The following EPS15 variants were observed in gnomAD, a reference collection of about 807,000 sequenced individuals.
The protein encoded by EPS15 is epidermal growth factor receptor pathway substrate 15.
Under a neutral mutation model 113.8 loss-of-function variants are expected in EPS15, and 72 were observed. That is an observed-to-expected ratio of 0.63 (90% confidence interval 0.52 to 0.77). EPS15 has a LOEUF of 0.77. Ranked by LOEUF, EPS15 falls within the 30% of genes least tolerant of loss-of-function variation. EPS15 has a pLI of 0.00. For missense variants in EPS15, 1,048 were observed against 1,045.8 expected, an observed-to-expected ratio of 1.00 and a Z score of -0.03; for synonymous variants, 344 against 363.4, an observed-to-expected ratio of 0.95 and a Z score of 0.61.
At position 51,421,795 on chromosome 1, in the gene EPS15, A is replaced by C; in HGVS notation, c.1104T>G (p.Ser368Arg). ...TTTTATGGTCACTTACCTGAACCTCACTTGTCCTCTGTTTAATAGTATCTT... is the reference window on the plus strand; with the variant it reads ...TTTTATGGTCACTTACCTGAACCTCCCTTGTCCTCTGTTTAATAGTATCTT... ...EKEDTIKQRT[S>R]EVQDLQDEVQ... The change falls in exon 13 of 25, where the codon AGT (serine) becomes AGG (arginine). Residue 368 changes from serine to arginine, a missense_variant. By Grantham distance (110) the Ser-to-Arg change is moderately radical (BLOSUM62 -1). Coordinates refer to ENST00000371733, the MANE Select transcript of EPS15 (RefSeq NM_001981.3). 1 of 1,590,154 alleles carries C rather than the reference A, an allele frequency of 6.3e-7. No individual in the cohort carries two copies. Among genetic ancestry groups the C allele is most frequent in the Non-Finnish European group, 8.6e-7 (1 of 1,165,992 alleles).
intron 12 of EPS15, among the ~76,000 whole-genome samples, chr1:51,436,734 G>C (rs889451232): frequency 1.3e-5 from 2 of 152,056 alleles, no homozygotes; most frequent in Non-Finnish European, 2.9e-5. Context: ...GGAAGGTAAG[G>C]AATCAATTCA....
intron 8 of EPS15, among the ~76,000 whole-genome samples, chr1:51,456,059 T>G (rs879707328): frequency 3.9e-5 from 6 of 152,160 alleles, no homozygotes; most frequent in Non-Finnish European, 5.9e-5. Context: ...ACAAGGGCCA[T>G]TCATCAAAGG....
At chr1:51,402,068 C>G (rs1422938079) in intron 18 of EPS15, among the ~76,000 whole-genome samples, 9 of 152,224 alleles carry the variant, frequency 5.9e-5, no homozygotes, top group Non-Finnish European at 1.3e-4. Flanking sequence ...ATCCGGGAGG[C>G]AGAAGTTGCA....
chr1:51,447,386 T>C (rs1054745957), intron 9 of EPS15, among the ~76,000 whole-genome samples: 5 of 152,226 alleles, frequency 3.3e-5, no homozygotes, highest in African/African-American at 1.2e-4. Context: ...TCTTGACTAA[T>C]GCCCACATTA....
chr1:51,420,531 T>C (rs1487994658), intron 13 of EPS15, among the ~76,000 whole-genome samples: 1 of 151,872 alleles, frequency 6.6e-6, no homozygotes, highest in Non-Finnish European at 1.5e-5. Flanking sequence ...CATTTTAAAC[T>C]ATTTTTAGTA....
intron 1 of EPS15, among the ~76,000 whole-genome samples, chr1:51,484,108 C>T (rs139775514): frequency 0.016 from 2,504 of 152,070 alleles, 34 homozygotes; most frequent in Non-Finnish European, 0.025. Context: ...GAGACCCTGT[C>T]TCTCAAAAAA....
At chr1:51,401,895 T>C (rs1445538524) in intron 18 of EPS15, among the ~76,000 whole-genome samples, 2 of 152,160 alleles carry the variant, frequency 1.3e-5, no homozygotes, top group Non-Finnish European at 2.9e-5. Flanking sequence ...TCCCAGCACT[T>C]TGGGAGGCCA....
chr1:51,381,118 G>T (rs907814520), intron 21 of EPS15, among the ~76,000 whole-genome samples: 2 of 144,454 alleles, frequency 1.4e-5, no homozygotes, highest in South Asian at 4.2e-4. Flanking sequence ...TTTCAATAAG[G>T]AGAGAGAGGA....
At chr1:51,367,872 C>T (rs1646542302) in intron 21 of EPS15, among the ~76,000 whole-genome samples, 1 of 152,238 alleles carries the variant, frequency 6.6e-6, no homozygotes, top group Non-Finnish European at 1.5e-5. Flanking sequence ...TGGCTCACGC[C>T]TGTAATCCCG....
chr1:51,379,986 G>A (rs974569980), intron 21 of EPS15, among the ~76,000 whole-genome samples: 3 of 151,480 alleles, frequency 2.0e-5, no homozygotes, highest in African/African-American at 2.4e-5. Context: ...AACTTGAAGC[G>A]ACAGGGGGAG....
chr1:51,444,085 A>G (rs1390558550), intron 11 of EPS15, among the ~76,000 whole-genome samples: 3 of 152,192 alleles, frequency 2.0e-5, no homozygotes, highest in African/African-American at 7.2e-5. Flanking sequence ...TTATTACTGT[A>G]TAACAACCCT....
intron 2 of EPS15, among the ~76,000 whole-genome samples, chr1:51,477,705 T>C (rs974496406): frequency 6.6e-6 from 1 of 152,360 alleles, no homozygotes; most frequent in African/African-American, 2.4e-5. Flanking sequence ...CTTCATTTCA[T>C]TATGTACCCA....
chr1:51,383,250 T>C (rs1646981976), intron 21 of EPS15, among the ~76,000 whole-genome samples: 1 of 152,346 alleles, frequency 6.6e-6, no homozygotes, highest in Middle Eastern at 3.4e-3. Flanking sequence ...AAAGGCTATA[T>C]ATGAAAAGCC....
chr1:51,493,763 C>T lies in EPS15; in HGVS notation c.34-12449G>A, dbSNP rs1040995341. 2.6e-5 allele frequency among the ~76,000 whole-genome samples: 4 copies of T among 151,190 alleles called. No homozygotes were observed. In the East Asian group the frequency reaches 8.1e-4, roughly 31 times the overall value. On this transcript the variant is annotated intron_variant, in intron 1 of 24. Transcript: ENST00000371733. ...CCTCCCGAGTAGCTGGGATTACAGG[C>T]GTCACGCCTGGCTAATTTTTGTATT...
intron 12 of EPS15, among the ~76,000 whole-genome samples, chr1:51,437,399 T>C (rs1652234765): frequency 6.6e-6 from 1 of 151,796 alleles, no homozygotes; most frequent in Non-Finnish European, 1.5e-5. Context: ...GAAAAAAGTA[T>C]TATAAAGTAC....
rs72910266 is a variant in EPS15, at chr1:51,445,106, A to G, written c.798-61T>C. 3,825 of 1,461,190 alleles carry G rather than the reference A, an allele frequency of 2.6e-3. 90 individuals carry two copies. The African/African-American group carries it at 0.049, about 19-fold the overall frequency. 90.5% of individuals were successfully genotyped at this position (1,461,190 alleles called of 1,614,324 possible). The stretch of plus-strand genomic sequence containing the variant: ...CCACAACTGCAAAAAGTCCAGAGAA[A>G]AAGTACCACTATGCAGCTTTTTTAA... On this transcript the variant is annotated intron_variant, in intron 10 of 24. Transcript: ENST00000371733.
intron 21 of EPS15, 33 bp downstream of exon 21, chr1:51,394,348 A>G (rs1018475027): frequency 4.3e-6 from 6 of 1,400,690 alleles, no homozygotes; most frequent in Non-Finnish European, 5.0e-6. Context: ...AAAATGTTTA[A>G]TGTTCAATGA....
intron 1 of EPS15, among the ~76,000 whole-genome samples, chr1:51,499,505 G>C (rs1438806938): frequency 1.3e-5 from 2 of 152,026 alleles, no homozygotes; most frequent in African/African-American, 4.8e-5. Context: ...TGGAATTGCT[G>C]AACCATTTAT....
chr1:51,504,954 C>A (rs1644473239), intron 1 of EPS15, among the ~76,000 whole-genome samples: 1 of 152,094 alleles, frequency 6.6e-6, no homozygotes, highest in African/African-American at 2.4e-5. Flanking sequence ...AACCCTGTCT[C>A]TACTAAAAAT....
Sources: gnomAD v4.1 joint callset for allele counts (sites outside exome capture counted in the v4.1 genomes callset) on GRCh38, gnomAD v4.1.1 for gene constraint, MANE v1.5 for transcripts, NCBI Gene and HGNC (gene_info 2026-07-23, HGNC 2026-07-21) for gene names.